Variants in RUNDC3B observed in about 807,000 individuals in gnomAD.
The protein encoded by RUNDC3B is RUN domain containing 3B.
RUNDC3B carries 33 observed loss-of-function variants against 58.4 expected under a neutral mutation model. The observed-to-expected ratio is 0.56, with a 90% CI of 0.43 to 0.75. The LOEUF is 0.75. Among genes scored for constraint, RUNDC3B ranks in the 30% least tolerant of loss-of-function variants. RUNDC3B has a pLI of 0.00. For missense variants in RUNDC3B, 501 were observed against 535.7 expected, an observed-to-expected ratio of 0.94 and a Z score of 0.64; for synonymous variants, 193 against 195.2, an observed-to-expected ratio of 0.99 and a Z score of 0.10.
intron 2 of RUNDC3B, among the ~76,000 whole-genome samples, chr7:87,695,986 A>G (rs1828460299): frequency 6.6e-6 from 1 of 152,126 alleles, no homozygotes; most frequent in Non-Finnish European, 1.5e-5. Flanking sequence ...CTGGTCAGTA[A>G]CAGATTGTCT....
At chr7:87,690,102 A>G (rs530418759) in intron 2 of RUNDC3B, among the ~76,000 whole-genome samples, 17 of 152,196 alleles carry the variant, frequency 1.1e-4, no homozygotes, top group African/African-American at 3.6e-4. Context: ...AGGGCCGGGA[A>G]TACAGGTGTA....
chr7:87,667,904 T>C (rs76431620), intron 2 of RUNDC3B, among the ~76,000 whole-genome samples: 3 of 152,110 alleles, frequency 2.0e-5, no homozygotes, highest in Non-Finnish European at 4.4e-5. Flanking sequence ...TTGTTGAGGA[T>C]TTTTGTATTG....
intron 1 of RUNDC3B, among the ~76,000 whole-genome samples, chr7:87,640,562 C>A (rs937530305): frequency 6.6e-6 from 1 of 152,062 alleles, no homozygotes; most frequent in African/African-American, 2.4e-5. Flanking sequence ...CCAGGGTGGT[C>A]TCAAACTGCT....
intron 10 of RUNDC3B, among the ~76,000 whole-genome samples, chr7:87,821,734 C>G (rs892861207): frequency 5.3e-5 from 8 of 152,128 alleles, no homozygotes; most frequent in Non-Finnish European, 1.0e-4. Context: ...AGAAATAATG[C>G]CGCATATCTA....
intron 1 of RUNDC3B, among the ~76,000 whole-genome samples, chr7:87,634,944 T>C (rs1174537777): frequency 6.6e-6 from 1 of 152,044 alleles, no homozygotes. Flanking sequence ...AGTCCTAGAG[T>C]AGACATTTCA....
At chr7:87,717,794 C>A (rs1285975927) in intron 4 of RUNDC3B, among the ~76,000 whole-genome samples, 23 of 151,862 alleles carry the variant, frequency 1.5e-4, no homozygotes, top group Non-Finnish European at 4.4e-5. Flanking sequence ...AATTTTTGCA[C>A]CTTATAAAAA....
At chr7:87,661,941 C>G (rs900651154) in intron 2 of RUNDC3B, among the ~76,000 whole-genome samples, 18 of 152,010 alleles carry the variant, frequency 1.2e-4, no homozygotes, top group Non-Finnish European at 1.2e-4. Flanking sequence ...GGATAAAAGC[C>G]ATTTTAACTG....
chr7:87,668,001 G>C (rs1825438022), intron 2 of RUNDC3B, among the ~76,000 whole-genome samples: 1 of 152,016 alleles, frequency 6.6e-6, no homozygotes, highest in Non-Finnish European at 1.5e-5. Context: ...TGGCCTTAGA[G>C]AATGAGGTGG....
chr7:87,776,176 G>T (rs1834611986), intron 7 of RUNDC3B, among the ~76,000 whole-genome samples: 1 of 151,924 alleles, frequency 6.6e-6, no homozygotes, highest in East Asian at 1.9e-4. Context: ...GATATGCATG[G>T]CCTATATCCT....
At chr7:87,699,710 A>T (rs1251250232) in intron 2 of RUNDC3B, among the ~76,000 whole-genome samples, 1 of 152,240 alleles carries the variant, frequency 6.6e-6, no homozygotes, top group Non-Finnish European at 1.5e-5. Context: ...CCAACCATAG[A>T]AATATTAATA....
chr7:87,779,160 T>G (rs983915558), intron 8 of RUNDC3B, among the ~76,000 whole-genome samples: 2 of 152,210 alleles, frequency 1.3e-5, no homozygotes, highest in African/African-American at 4.8e-5. Flanking sequence ...GATATTTAAA[T>G]TGATACGATA....
Position 87,672,480 on chromosome 7 carries a change from G to A in RUNDC3B, c.238+21543G>A, listed in dbSNP as rs140085026. ...AGTGGGTCTTATCTTGTGGGGTGCCGTGGAAGTGGGGCCTGTAGGTTTTGG... is the reference window on the plus strand; with the variant it reads ...AGTGGGTCTTATCTTGTGGGGTGCCATGGAAGTGGGGCCTGTAGGTTTTGG... On this transcript the variant is annotated intron_variant, in intron 2 of 10. Coordinates refer to ENST00000394654, the MANE Select transcript of RUNDC3B (RefSeq NM_001134405.2). 3.0e-3 allele frequency among the ~76,000 whole-genome samples: 455 copies of A among 152,304 alleles called. 2 individuals are homozygous for A. The highest frequency in any genetic ancestry group is 0.01 in the African/African-American group (436 of 41,560).
chr7:87,762,060 G>C (rs1400181133), intron 6 of RUNDC3B, among the ~76,000 whole-genome samples: 1 of 151,504 alleles, frequency 6.6e-6, no homozygotes, highest in Non-Finnish European at 1.5e-5. Context: ...TTTTACTGGG[G>C]TATTTTGTTT....
intron 6 of RUNDC3B, among the ~76,000 whole-genome samples, chr7:87,747,298 G>A (rs928542414): frequency 2.0e-5 from 3 of 152,162 alleles, no homozygotes; most frequent in Admixed American, 2.0e-4. Flanking sequence ...TACTGGGGGG[G>A]TGTGTGCACA....
chr7:87,648,184 C>CAAAAA (rs138383809), intron 1 of RUNDC3B, among the ~76,000 whole-genome samples: 1 of 65,432 alleles, frequency 1.5e-5, no homozygotes, highest in African/African-American at 5.5e-5. Flanking sequence ...GACTCTGTCT[C>CAAAAA]AAAAAAAAAA....
At chr7:87,779,564 T>C (rs1018964970) in intron 8 of RUNDC3B, among the ~76,000 whole-genome samples, 11 of 152,204 alleles carry the variant, frequency 7.2e-5, no homozygotes, top group African/African-American at 2.7e-4. Context: ...TTCTGTATAG[T>C]TACTGCTGTT....
At chr7:87,739,097 G>A (rs1472746702) in intron 4 of RUNDC3B, among the ~76,000 whole-genome samples, 1 of 151,688 alleles carries the variant, frequency 6.6e-6, no homozygotes, top group Non-Finnish European at 1.5e-5. Context: ...AAATACCTTA[G>A]GGCCACATAA....
At chr7:87,632,618 G>C (rs1821338820) in intron 1 of RUNDC3B, among the ~76,000 whole-genome samples, 1 of 152,044 alleles carries the variant, frequency 6.6e-6, no homozygotes, top group South Asian at 2.1e-4. Flanking sequence ...CTATCGTTTA[G>C]AACTTCAGAA....
chr7:87,687,908 A>G (rs1402353920), intron 2 of RUNDC3B, among the ~76,000 whole-genome samples: 1 of 152,164 alleles, frequency 6.6e-6, no homozygotes, highest in Non-Finnish European at 1.5e-5. Flanking sequence ...AAACCTGTTC[A>G]TTTGGCTTTT....
Sources: gnomAD v4.1 joint callset for allele counts (sites outside exome capture counted in the v4.1 genomes callset) on GRCh38, gnomAD v4.1.1 for gene constraint, MANE v1.5 for transcripts, NCBI Gene and HGNC (gene_info 2026-07-23, HGNC 2026-07-21) for gene names.